Variants in FAM162B observed in about 807,000 individuals in gnomAD.
The protein encoded by FAM162B is family with sequence similarity 162 member B, also known as protein FAM162B.
Under a neutral mutation model 20.0 loss-of-function variants are expected in FAM162B, and 16 were observed. That is an observed-to-expected ratio of 0.80 (90% confidence interval 0.54 to 1.21). The LOEUF is 1.21. FAM162B is among the 50% of genes most tolerant of loss of function. The probability of loss-of-function intolerance (pLI) is 0.00; values close to 1 mark genes in which losing one functional copy is unlikely to be tolerated. For synonymous variants in FAM162B, 83 were observed against 89.7 expected (o/e 0.93, Z 0.42); for missense variants, 260 against 227.5 (o/e 1.14, Z -0.92).
rs756342428 is a variant in FAM162B at position 116,765,156 on chromosome 6, G to T, written c.272C>A (p.Pro91His). 8 of 1,613,396 alleles carry T rather than the reference G, an allele frequency of 5.0e-6. No homozygotes were observed. In the South Asian group the frequency reaches 8.8e-5, roughly 18 times the overall value. Reference sequence around the variant, plus strand: ...CGGTCGCCACACTTACGGGATCCGAGGCGGGATCTCCTCCATCGATTTGAA... The same window carrying T: ...CGGTCGCCACACTTACGGGATCCGATGCGGGATCTCCTCCATCGATTTGAA... ...GRFKSMEEIPPRIPPEMIDTA... is the reference protein window; with the variant it reads ...GRFKSMEEIPHRIPPEMIDTA... The change falls in exon 2 of 4, where the codon CCT becomes CAT. Residue 91 changes from proline (P) to histidine (H), a missense_variant. Coordinates refer to ENST00000368557, the MANE Select transcript of FAM162B (RefSeq NM_001085480.3).
chr6:116,759,966 G>A (rs1372965864), intron 3 of FAM162B, among the ~76,000 whole-genome samples: 1 of 152,056 alleles, frequency 6.6e-6, no homozygotes, highest in South Asian at 2.1e-4. Flanking sequence ...GCCTCTCCTG[G>A]GGTGTTACTA....
At chr6:116,763,921 T>C (rs1562469353) in intron 2 of FAM162B, among the ~76,000 whole-genome samples, 3 of 152,314 alleles carry the variant, frequency 2.0e-5, no homozygotes, top group South Asian at 4.1e-4. Flanking sequence ...TTGGAGTCTA[T>C]AGATCTCGAG....
At position 116,761,660 on chromosome 6, in the gene FAM162B, T is replaced by TTATATATACATATATACA. The variant is rs1554260285; in HGVS notation, c.390+316_390+317insTGTATATATGTATATATA. Among the ~76,000 whole-genome samples the TTATATATACATATATACA allele has an allele frequency of 1.7e-3, 251 of 144,304 alleles. 2 individuals are homozygous for TTATATATACATATATACA. Among genetic ancestry groups the TTATATATACATATATACA allele is most frequent in the African/African-American group, 6.0e-3 (237 of 39,206 alleles). 94.7% of individuals were successfully genotyped at this position (144,304 alleles called of 152,430 possible). A position where few individuals can be genotyped will look rare whatever the true frequency, so the allele number is the denominator to read the frequency against. On this transcript the variant is annotated intron_variant, in intron 3 of 3. Coordinates refer to ENST00000368557, the MANE Select transcript of FAM162B (RefSeq NM_001085480.3). ...CATATATATACACTTATATATATACTTATATATATACTTATATATACATAT... is the reference window on the plus strand; with the variant it reads ...CATATATATACACTTATATATATACTTATATATACATATATACATATATATATACTTATATATACATAT...
At chr6:116,759,845 T>C (rs954164587) in intron 3 of FAM162B, among the ~76,000 whole-genome samples, 13 of 152,234 alleles carry the variant, frequency 8.5e-5, no homozygotes, top group African/African-American at 3.1e-4. Flanking sequence ...CCAGACCCTT[T>C]CTCACCTCTA....
At chr6:116,765,327 C>A in intron 1 of FAM162B, 72 bp from the exon 2 acceptor site, 1 of 1,560,248 alleles carries the variant, frequency 6.4e-7, no homozygotes, top group South Asian at 1.2e-5. Flanking sequence ...GCCCTCAAGC[C>A]GACTCCCGGG....
At position 116,765,390 on chromosome 6, in the gene FAM162B, G is replaced by T; in HGVS notation, c.172+15C>A. The stretch of plus-strand genomic sequence containing the variant: ...TCCTCCCTCCCAGGACCTCCCCGTC[G>T]GAGCCCTGGCTCACCGTGACCTTGG... On this transcript the variant is annotated intron_variant, in intron 1 of 3. Coordinates refer to ENST00000368557, the MANE Select transcript of FAM162B (RefSeq NM_001085480.3). 6.8e-7 allele frequency: 1 copy of T among 1,479,498 alleles called. No individual in the cohort carries two copies. The highest frequency in any genetic ancestry group is 9.0e-7 in the Non-Finnish European group (1 of 1,112,194). 91.6% of individuals were successfully genotyped at this position (1,479,498 alleles called of 1,614,324 possible). A position where few individuals can be genotyped will look rare whatever the true frequency, so the allele number is the denominator to read the frequency against.
chr6:116,765,044 GC>G (rs1771880883), intron 2 of FAM162B, 102 bp downstream of exon 2: 2 of 1,045,436 alleles, frequency 1.9e-6, no homozygotes, highest in Non-Finnish European at 2.9e-6. Context: ...TGTTGGCACT[GC>G]GGCCGCTTTC....
chr6:116,755,654 G>C (rs759176800), intron 3 of FAM162B, among the ~76,000 whole-genome samples: 17 of 152,172 alleles, frequency 1.1e-4, no homozygotes, highest in Non-Finnish European at 2.4e-4. Flanking sequence ...AGAACTTTCA[G>C]AGATAGAGAG....
At chr6:116,756,114 G>A (rs188200169) in intron 3 of FAM162B, among the ~76,000 whole-genome samples, 1 of 152,292 alleles carries the variant, frequency 6.6e-6, no homozygotes, top group East Asian at 1.9e-4. Flanking sequence ...AGCTACCATA[G>A]ATAGTGATTC....
At chr6:116,755,764 A>G (rs1780044687) in intron 3 of FAM162B, among the ~76,000 whole-genome samples, 1 of 152,156 alleles carries the variant, frequency 6.6e-6, no homozygotes, top group African/African-American at 2.4e-5. Context: ...ACTCATTAGC[A>G]TTCTGAAAAT....
rs572093016 is a variant in FAM162B, at chr6:116,761,733, T to TAC, written c.390+242_390+243dup. Among the ~76,000 whole-genome samples, 737 of 139,406 alleles carry TAC rather than the reference T, an allele frequency of 5.3e-3. 5 individuals are homozygous for TAC. The highest frequency in any genetic ancestry group is 0.014 in the South Asian group (63 of 4,514). 91.5% of individuals were successfully genotyped at this position (139,406 alleles called of 152,430 possible). On this transcript the variant is annotated intron_variant, in intron 3 of 3. Transcript: ENST00000368557. ...ATATACTTGTATATATACTTATATATACACACACACACACACACACATATA... is the reference window on the plus strand; with the variant it reads ...ATATACTTGTATATATACTTATATATACACACACACACACACACACACATATA...
At chr6:116,763,460 GA>G (rs1771846455) in intron 2 of FAM162B, among the ~76,000 whole-genome samples, 1 of 152,008 alleles carries the variant, frequency 6.6e-6, no homozygotes, top group Admixed American at 6.5e-5. Flanking sequence ...AAAAGTTATA[GA>G]AAAATAATAA....
chr6:116,765,110 G>A (rs781685805), intron 2 of FAM162B, 37 bp downstream of exon 2: 6 of 1,601,574 alleles, frequency 3.7e-6, no homozygotes, highest in Non-Finnish European at 5.1e-6. Context: ...TGCGGCCGGG[G>A]ACCGACTCTC....
rs17078309 is a variant in FAM162B, at chr6:116,761,969, A to C, written c.390+8T>G. 120,915 of 1,577,746 alleles carry C rather than the reference A, an allele frequency of 0.077. 6,149 individuals carry two copies. Among genetic ancestry groups the C allele is most frequent in the Admixed American group, 0.21 (12,147 of 58,800 alleles). On this transcript the variant is annotated splice_region_variant and intron_variant, in intron 3 of 3. Coordinates refer to ENST00000368557, the MANE Select transcript of FAM162B (RefSeq NM_001085480.3). ...TTAACTGACTTGCCCTTTTAAGGAG[A>C]TACTCACCCTTTTGGCTGACACTAT... is the stretch of plus-strand genomic sequence containing the variant.
At chr6:116,758,011 A>C (rs1021316455) in intron 3 of FAM162B, among the ~76,000 whole-genome samples, 1 of 152,296 alleles carries the variant, frequency 6.6e-6, no homozygotes, top group Admixed American at 6.5e-5. Context: ...GGAAGTAGAA[A>C]CATTTCTATA....
At chr6:116,758,067 G>A (rs935513299) in intron 3 of FAM162B, among the ~76,000 whole-genome samples, 6 of 152,088 alleles carry the variant, frequency 3.9e-5, no homozygotes, top group Non-Finnish European at 4.4e-5. Flanking sequence ...AACTAATGAC[G>A]AGCAAATAAA....
intron 3 of FAM162B, among the ~76,000 whole-genome samples, chr6:116,761,418 T>C (rs1432722371): frequency 6.6e-6 from 1 of 151,912 alleles, no homozygotes; most frequent in Non-Finnish European, 1.5e-5. Flanking sequence ...CAATAGCTAA[T>C]TGAGTTCCTG....
chr6:116,756,767 C>A (rs1156584413), intron 3 of FAM162B, among the ~76,000 whole-genome samples: 1 of 152,230 alleles, frequency 6.6e-6, no homozygotes, highest in Non-Finnish European at 1.5e-5. Flanking sequence ...AAAGCAAGAC[C>A]TTCCACCAGC....
At chr6:116,762,152 T>C (rs1771794903) in intron 2 of FAM162B, 67 bp from the exon 3 acceptor site, 1 of 1,332,338 alleles carries the variant, frequency 7.5e-7, no homozygotes, top group Non-Finnish European at 1.0e-6. Flanking sequence ...GCATGATAGA[T>C]AATTTGCCAT....
Sources: allele counts gnomAD v4.1 joint callset (sites outside exome capture counted in the v4.1 genomes callset), GRCh38; gene constraint gnomAD v4.1.1; transcripts MANE v1.5; gene names NCBI Gene and HGNC (gene_info 2026-07-23, HGNC 2026-07-21).